Variants in KLF8 observed in about 807,000 individuals in gnomAD.
KLF8 encodes the protein KLF transcription factor 8.
Under a neutral mutation model 18.2 loss-of-function variants are expected in KLF8, and 10 were observed. The observed-to-expected ratio is 0.55, with a 90% CI of 0.34 to 0.93. The LOEUF (loss-of-function observed/expected upper bound fraction) is 0.93. Ranked by LOEUF, KLF8 falls within the 40% of genes least tolerant of loss-of-function variation. The probability of loss-of-function intolerance (pLI) is 0.02; values close to 1 mark genes in which losing one functional copy is unlikely to be tolerated. For synonymous variants in KLF8, 109 were observed against 97.3 expected (o/e 1.12, Z -0.71); for missense variants, 264 against 277.9 (o/e 0.95, Z 0.36).
At chrX:56,057,150 G>A in the KLF8 span, among the ~76,000 whole-genome samples, 4 of 111,747 alleles carry the variant, frequency 3.6e-5, no homozygotes, top group Non-Finnish European at 3.8e-5. Context: ...GTTGGCATGG[G>A]GTTGGAGCTC....
the KLF8 span, among the ~76,000 whole-genome samples, chrX:55,951,223 C>T: frequency 1.4e-4 from 15 of 110,637 alleles, no homozygotes; most frequent in Non-Finnish European, 1.9e-5. Flanking sequence ...TGCCTGTAAT[C>T]CCAGCAGTTT....
the KLF8 span, among the ~76,000 whole-genome samples, chrX:55,967,161 TA>T: frequency 1.8e-5 from 2 of 111,224 alleles, no homozygotes; most frequent in Non-Finnish European, 3.8e-5. Flanking sequence ...TTATTGGCCT[TA>T]AAGGGGAGGT....
chrX:56,002,409 TTGTGTGTATGTGTG>T, the KLF8 span, among the ~76,000 whole-genome samples: 173 of 69,167 alleles, frequency 2.5e-3, no homozygotes, highest in African/African-American at 8.7e-3. Flanking sequence ...ATTAATCAAT[TTGTGTGTATGTGTG>T]TGTGTGTGTG....
the KLF8 span, among the ~76,000 whole-genome samples, chrX:56,200,772 T>C: frequency 9.0e-6 from 1 of 111,049 alleles, no homozygotes; most frequent in African/African-American, 3.3e-5. Context: ...CAGCAAAAAA[T>C]TAATAATATC....
At chrX:56,165,826 A>G in the KLF8 span, among the ~76,000 whole-genome samples, 30 of 107,064 alleles carry the variant, frequency 2.8e-4, no homozygotes, top group Admixed American at 4.1e-4. Context: ...GCACCACTGA[A>G]CTCCAGGCTG....
At chrX:56,082,457 T>C in the KLF8 span, among the ~76,000 whole-genome samples, 1 of 110,955 alleles carries the variant, frequency 9.0e-6, no homozygotes, top group African/African-American at 3.3e-5. Flanking sequence ...ATTTTATTTG[T>C]CTCTTCTATA....
At chrX:56,209,596 G>A in the KLF8 span, among the ~76,000 whole-genome samples, 112 of 111,936 alleles carry the variant, frequency 1.0e-3, no homozygotes, top group African/African-American at 3.6e-3. Flanking sequence ...TCCAGCCTGG[G>A]TGACAGAGGG....
the KLF8 span, among the ~76,000 whole-genome samples, chrX:55,951,390 C>T: frequency 8.4e-5 from 9 of 106,760 alleles, no homozygotes; most frequent in African/African-American, 3.1e-4. Flanking sequence ...GCAGGAGAAT[C>T]GCTTCAACCC....
In KLF8 at chrX:56,287,731, T is replaced by C. The variant is rs2067283367; in HGVS notation, c.*3237T>C. 8.9e-6 allele frequency: 1 copy of C among 112,062 alleles called. No individual in the cohort carries two copies. The highest frequency in any genetic ancestry group is 3.2e-5 in the African/African-American group (1 of 30,824). 9.2% of individuals were successfully genotyped at this position (112,062 alleles called of 1,213,427 possible). ...TTAACTTCTTTTAAAATAAACTTTT[T>C]ATTTTCAAACAGTTTCAGTTTTACA... On this transcript the variant is annotated 3_prime_UTR_variant, in exon 6 of 6. Transcript: ENST00000468660.
At chrX:56,072,807 C>T in the KLF8 span, among the ~76,000 whole-genome samples, 1,225 of 111,320 alleles carry the variant, frequency 0.011, 8 homozygotes, top group Middle Eastern at 0.037. Context: ...TTTCCAAATG[C>T]TTTTAATCAT....
the KLF8 span, among the ~76,000 whole-genome samples, chrX:55,960,590 A>G: frequency 2.5e-5 from 1 of 40,119 alleles, no homozygotes; most frequent in East Asian, 2.2e-3. Flanking sequence ...GAGGAGGAGA[A>G]GAAGGAGAAG....
the KLF8 span, among the ~76,000 whole-genome samples, chrX:55,993,952 C>T: frequency 8.4e-4 from 88 of 104,731 alleles, no homozygotes; most frequent in African/African-American, 2.9e-3. Context: ...GCTCTGTTGC[C>T]CAGGCTGGAG....
the KLF8 span, among the ~76,000 whole-genome samples, chrX:56,113,316 TG>T: frequency 9.0e-6 from 1 of 110,623 alleles, no homozygotes; most frequent in African/African-American, 3.3e-5. Flanking sequence ...TTTTTTTTTT[TG>T]TATGCCTTGT....
chrX:55,997,706 T>C, the KLF8 span, among the ~76,000 whole-genome samples: 2 of 112,054 alleles, frequency 1.8e-5, no homozygotes, highest in Non-Finnish European at 3.8e-5. Flanking sequence ...GTCAGCATTC[T>C]TGACTTTTCT....
the KLF8 span, among the ~76,000 whole-genome samples, chrX:56,118,044 C>T: frequency 9.0e-6 from 1 of 111,502 alleles, no homozygotes; most frequent in Non-Finnish European, 1.9e-5. Flanking sequence ...TCCGTGAGGG[C>T]AGAGCCCTCA....
At chrX:56,137,854 G>A in the KLF8 span, among the ~76,000 whole-genome samples, 4 of 108,164 alleles carry the variant, frequency 3.7e-5, no homozygotes, top group South Asian at 1.6e-3. Flanking sequence ...AACCAAACTG[G>A]GTTTTAAAAT....
chrX:56,221,034 C>T, the KLF8 span, among the ~76,000 whole-genome samples: 7 of 111,737 alleles, frequency 6.3e-5, no homozygotes, highest in South Asian at 3.7e-4. Flanking sequence ...TTTATATTCT[C>T]GGCAAAATAA....
the KLF8 span, among the ~76,000 whole-genome samples, chrX:56,067,478 T>G: frequency 9.0e-6 from 1 of 110,673 alleles, no homozygotes; most frequent in Non-Finnish European, 1.9e-5. Context: ...ATGTGTGCTG[T>G]TCTCAAAGAA....
At chrX:56,219,667 C>G in the KLF8 span, among the ~76,000 whole-genome samples, 2 of 111,522 alleles carry the variant, frequency 1.8e-5, no homozygotes, top group East Asian at 5.6e-4. Context: ...CCTTGCCCCC[C>G]TACTTCAATT....
Sources: allele counts gnomAD v4.1 joint callset (sites outside exome capture counted in the v4.1 genomes callset), GRCh38; gene constraint gnomAD v4.1.1; transcripts MANE v1.5; gene names NCBI Gene and HGNC (gene_info 2026-07-23, HGNC 2026-07-21).